The following SGCD variants were observed in gnomAD, a reference collection of about 807,000 sequenced individuals.
SGCD encodes the protein delta-sarcoglycan.
Under a neutral mutation model 36.6 loss-of-function variants are expected in SGCD, and 18 were observed. The observed-to-expected ratio is 0.49, with a 90% CI of 0.34 to 0.73. SGCD has a LOEUF of 0.73. Ranked by LOEUF, SGCD falls within the 30% of genes least tolerant of loss-of-function variation. The probability of loss-of-function intolerance (pLI) is 0.01; values close to 1 mark genes in which losing one functional copy is unlikely to be tolerated. For missense variants in SGCD, 387 were observed against 346.7 expected (o/e 1.12, Z -0.92); for synonymous variants, 133 against 130.6 (o/e 1.02, Z -0.12).
At chr5:155,850,033 A>T in the SGCD span, among the ~76,000 whole-genome samples, 1 of 152,056 alleles carries the variant, frequency 6.6e-6, no homozygotes, top group Non-Finnish European at 1.5e-5. Flanking sequence ...CTTGTTTGTT[A>T]TTTGCTGTTT....
chr5:156,255,149 C>A (rs914104105), intron 3 of SGCD, among the ~76,000 whole-genome samples: 1 of 152,120 alleles, frequency 6.6e-6, no homozygotes, highest in African/African-American at 2.4e-5. Context: ...CAAGATATAT[C>A]ATTATATATA....
chr5:156,092,541 C>A (rs1184098626), intron 1 of SGCD, among the ~76,000 whole-genome samples: 1 of 152,184 alleles, frequency 6.6e-6, no homozygotes, highest in Non-Finnish European at 1.5e-5. Context: ...ACCCTTGAGG[C>A]AACACCATCA....
chr5:156,530,619 G>C (rs1445196299), intron 4 of SGCD, among the ~76,000 whole-genome samples: 1 of 141,072 alleles, frequency 7.1e-6, no homozygotes, highest in African/African-American at 2.7e-5. Flanking sequence ...TTGCTCTGTT[G>C]CCCAGGCTGG....
chr5:156,107,335 G>A (rs899252605), intron 1 of SGCD, among the ~76,000 whole-genome samples: 1 of 152,148 alleles, frequency 6.6e-6, no homozygotes, highest in African/African-American at 2.4e-5. Flanking sequence ...CTAGGAAAAT[G>A]TGAAAAACAA....
intron 3 of SGCD, among the ~76,000 whole-genome samples, chr5:156,187,832 A>AT (rs1418516642): frequency 1.3e-5 from 2 of 152,168 alleles, no homozygotes; most frequent in Non-Finnish European, 2.9e-5. Context: ...TAAATCAGTG[A>AT]TTTTCCAACA....
intron 3 of SGCD, among the ~76,000 whole-genome samples, chr5:156,442,096 A>G (rs1288811382): frequency 6.6e-6 from 1 of 152,196 alleles, no homozygotes; most frequent in African/African-American, 2.4e-5. Flanking sequence ...AGGGTCTAGA[A>G]AGAGGAAATA....
intron 1 of SGCD, among the ~76,000 whole-genome samples, chr5:156,091,350 A>G (rs1205388317): frequency 6.6e-6 from 1 of 152,178 alleles, no homozygotes; most frequent in Non-Finnish European, 1.5e-5. Context: ...ACACACTACC[A>G]TGAAGGCATA....
intron 3 of SGCD, among the ~76,000 whole-genome samples, chr5:156,278,714 G>A (rs548068152): frequency 6.6e-5 from 10 of 152,198 alleles, no homozygotes; most frequent in South Asian, 2.1e-4. Flanking sequence ...CTTTTTCATT[G>A]CAGTGTAACT....
chr5:155,852,207 A>G, the SGCD span, among the ~76,000 whole-genome samples: 1 of 152,140 alleles, frequency 6.6e-6, no homozygotes, highest in African/African-American at 2.4e-5. Context: ...TAACCCTATC[A>G]CTTTCCAAGG....
intron 3 of SGCD, among the ~76,000 whole-genome samples, chr5:156,447,296 A>G (rs1183984252): frequency 1.3e-5 from 2 of 152,154 alleles, no homozygotes; most frequent in African/African-American, 2.4e-5. Context: ...ACTATTTTGG[A>G]TGCCCAGAAA....
intron 3 of SGCD, among the ~76,000 whole-genome samples, chr5:156,250,091 T>A (rs774793853): frequency 2.0e-5 from 3 of 152,218 alleles, no homozygotes; most frequent in Non-Finnish European, 4.4e-5. Context: ...TAATGAGCGT[T>A]GAAACTTTGA....
intron 1 of SGCD, among the ~76,000 whole-genome samples, chr5:155,890,580 C>G (rs1428052014): frequency 6.6e-6 from 1 of 151,746 alleles, no homozygotes; most frequent in African/African-American, 2.4e-5. Context: ...TGCACTTCAG[C>G]CTGGGTGACA....
intron 7 of SGCD, among the ~76,000 whole-genome samples, chr5:156,730,047 T>C (rs1042678615): frequency 6.6e-6 from 1 of 152,204 alleles, no homozygotes; most frequent in African/African-American, 2.4e-5. Context: ...AGAGGTTTTC[T>C]CCACCTCCTT....
intron 7 of SGCD, among the ~76,000 whole-genome samples, chr5:156,712,531 A>T (rs146790736): frequency 6.6e-5 from 10 of 152,330 alleles, no homozygotes; most frequent in Admixed American, 2.0e-4. Context: ...CAAATATTAG[A>T]GACTAGACAG....
chr5:156,400,657 A>G (rs898457298), intron 3 of SGCD, among the ~76,000 whole-genome samples: 1 of 152,204 alleles, frequency 6.6e-6, no homozygotes, highest in African/African-American at 2.4e-5. Flanking sequence ...TGAAATTACT[A>G]TTGTTTAAAG....
intron 3 of SGCD, among the ~76,000 whole-genome samples, chr5:156,176,117 CTTTGTGTGTGTGTGTGTG>C (rs1275223789): frequency 1.5e-5 from 2 of 131,818 alleles, no homozygotes; most frequent in Non-Finnish European, 3.2e-5. Flanking sequence ...AGCTAATATA[CTTTGTGTGTGTGTGTGTG>C]TTTGTGTGTG....
chr5:156,513,804 A>C (rs532663519), intron 4 of SGCD, among the ~76,000 whole-genome samples: 1 of 152,378 alleles, frequency 6.6e-6, no homozygotes, highest in Admixed American at 6.5e-5. Context: ...AAATATTTGC[A>C]TCTGGGAGTT....
intron 1 of SGCD, among the ~76,000 whole-genome samples, chr5:155,984,035 T>C (rs1017621951): frequency 6.6e-6 from 1 of 152,234 alleles, no homozygotes; most frequent in African/African-American, 2.4e-5. Context: ...CTCTTACTTC[T>C]ATCTTCAGAA....
intron 2 of SGCD, among the ~76,000 whole-genome samples, chr5:156,341,882 T>C (rs1453979599): frequency 6.6e-6 from 1 of 152,154 alleles, no homozygotes; most frequent in Non-Finnish European, 1.5e-5. Context: ...CAGCTAATTT[T>C]TGTATTTTTA....
Sources: gnomAD v4.1 joint callset for allele counts (sites outside exome capture counted in the v4.1 genomes callset) on GRCh38, gnomAD v4.1.1 for gene constraint, MANE v1.5 for transcripts, NCBI Gene and HGNC (gene_info 2026-07-23, HGNC 2026-07-21) for gene names.